Variants in ATRN observed in about 807,000 individuals in gnomAD.
The protein encoded by ATRN is attractin-2.
A neutral mutation model predicts 178.7 loss-of-function variants in ATRN; 54 were observed. That is an observed-to-expected ratio of 0.30 (90% CI 0.24 to 0.38). ATRN has a LOEUF of 0.38. ATRN is among the 10% of genes least tolerant of loss of function. ATRN has a pLI of 1.00. For missense variants in ATRN, 1,443 were observed against 1,815.1 expected (o/e 0.79, Z 3.73); for synonymous variants, 636 against 663.0 (o/e 0.96, Z 0.63).
chr20:3,504,923 GTA>G (rs1200104354), intron 1 of ATRN, among the ~76,000 whole-genome samples: 1 of 151,950 alleles, frequency 6.6e-6, no homozygotes, highest in Non-Finnish European at 1.5e-5. Context: ...ATTATAAGCC[GTA>G]TGTTTATATT....
At chr20:3,563,470 T>C (rs2085982861) in intron 10 of ATRN, 107 bp downstream of exon 10, 1 of 1,141,872 alleles carries the variant, frequency 8.8e-7, no homozygotes. Context: ...ATCAGGCCAT[T>C]TGAAAGAGGT....
chr20:3,471,461 C>T lies in ATRN; in HGVS notation c.354C>T (p.Cys118=), dbSNP rs2084421456. The stretch of plus-strand genomic sequence containing the variant: ...GCTGCAACCCTGGCACCGGCCAGTG[C>T]GTCTGCCCCGCCGGCTGGGTGGGCG... The part of the protein sequence containing the change: ...GGRCNPGTGQ[C]VCPAGWVGEQ... Residue 118 remains cysteine, a synonymous_variant, in exon 1 of 29, where the codon TGC becomes TGT. Transcript: ENST00000262919. 7.0e-7 allele frequency: 1 copy of T among 1,419,724 alleles called. No individual in the cohort carries two copies. The highest frequency in any genetic ancestry group is 9.1e-7 in the Non-Finnish European group (1 of 1,095,336). The allele number at this position is 1,419,724 out of a possible 1,614,324, so 87.9% of individuals were successfully genotyped here. A position where few individuals can be genotyped will look rare whatever the true frequency, so the allele number is the denominator to read the frequency against.
chr20:3,508,002 G>A (rs1189333164), intron 1 of ATRN, among the ~76,000 whole-genome samples: 1 of 151,884 alleles, frequency 6.6e-6, no homozygotes, highest in Non-Finnish European at 1.5e-5. Context: ...CGCGCCTGGT[G>A]AAAGTTAAAA....
intron 27 of ATRN, among the ~76,000 whole-genome samples, chr20:3,643,336 G>T (rs907139991): frequency 3.9e-5 from 6 of 152,156 alleles, no homozygotes; most frequent in Non-Finnish European, 8.8e-5. Flanking sequence ...TAATAAGTGG[G>T]TGTTGTTTTA....
intron 1 of ATRN, among the ~76,000 whole-genome samples, chr20:3,491,914 G>A (rs570005062): frequency 9.2e-5 from 14 of 152,234 alleles, no homozygotes; most frequent in Admixed American, 6.5e-4. Flanking sequence ...GGTATCAGAT[G>A]GCTAAGAGGA....
chr20:3,471,492 T>C lies in ATRN; in HGVS notation c.385T>C (p.Cys129Arg). The stretch of plus-strand genomic sequence containing the variant: ...CCCCGCCGGCTGGGTGGGCGAGCAA[T>C]GCCAGCACTGCGGGGGCCGCTTCAG... ...VCPAGWVGEQ[C>R]QHCGGRFRLT... Residue 129 changes from cysteine (C) to arginine (R), a missense_variant, in exon 1 of 29, where the codon TGC (cysteine) becomes CGC (arginine). Transcript: ENST00000262919. 1 of 1,406,506 alleles carries C rather than the reference T, an allele frequency of 7.1e-7. No homozygotes were observed. The highest frequency in any genetic ancestry group is 2.9e-5 in the East Asian group (1 of 34,326). 87.1% of individuals were successfully genotyped at this position (1,406,506 alleles called of 1,614,324 possible). A position where few individuals can be genotyped will look rare whatever the true frequency, so the allele number is the denominator to read the frequency against.
chr20:3,619,479 G>C (rs2086880027), intron 24 of ATRN, among the ~76,000 whole-genome samples: 1 of 152,174 alleles, frequency 6.6e-6, no homozygotes, highest in Non-Finnish European at 1.5e-5. Flanking sequence ...CAAATCTGCT[G>C]TATTAAACAG....
chr20:3,650,055 G>A lies in ATRN; in HGVS notation c.*3208G>A, dbSNP rs890832068. 1 of 152,210 alleles carries A rather than the reference G, an allele frequency of 6.6e-6. No homozygotes were observed. The highest frequency in any genetic ancestry group is 6.5e-5 in the Admixed American group (1 of 15,280). 9.4% of individuals were successfully genotyped at this position (152,210 alleles called of 1,614,324 possible). A position where few individuals can be genotyped will look rare whatever the true frequency, so the allele number is the denominator to read the frequency against. On this transcript the variant is annotated 3_prime_UTR_variant, in exon 29 of 29. Coordinates refer to ENST00000262919, the MANE Select transcript of ATRN (RefSeq NM_139321.3). The stretch of plus-strand genomic sequence containing the variant: ...GCTAACCCGGAGGAAAGGCAGTCCT[G>A]GACAGAAGACTGTCAGCAGAAGGAA...
intron 1 of ATRN, among the ~76,000 whole-genome samples, chr20:3,514,987 TAA>T (rs2085187523): frequency 6.6e-6 from 1 of 152,034 alleles, no homozygotes; most frequent in African/African-American, 2.4e-5. Flanking sequence ...GATACTTCCT[TAA>T]TATATTAGGA....
rs1165067691 is a variant in ATRN at position 3,615,745 on chromosome 20, A to G, written c.3802-8766A>G. 3.2e-4 allele frequency: 144 copies of G among 453,524 alleles called. 1 individual carries two copies. Among genetic ancestry groups the G allele is most frequent in the Middle Eastern group, 6.7e-4 (2 of 3,006 alleles). 28.1% of individuals were successfully genotyped at this position (453,524 alleles called of 1,614,324 possible). ...TAATTTTTTGTATTTTAGTAGAGACAGGGTTTTACCATGTTGCCCCCATCA... is the reference window on the plus strand; with the variant it reads ...TAATTTTTTGTATTTTAGTAGAGACGGGGTTTTACCATGTTGCCCCCATCA... On this transcript the variant is annotated intron_variant, in intron 24 of 28. Transcript: ENST00000262919.
chr20:3,602,497 A>G (rs763079561), intron 23 of ATRN, among the ~76,000 whole-genome samples: 5 of 152,208 alleles, frequency 3.3e-5, no homozygotes, highest in Admixed American at 6.5e-5. Flanking sequence ...ACACAAAGCA[A>G]TGAGATTGAT....
intron 25 of ATRN, among the ~76,000 whole-genome samples, chr20:3,630,501 C>T (rs1018781069): frequency 1.2e-4 from 19 of 152,134 alleles, no homozygotes; most frequent in Non-Finnish European, 2.5e-4. Flanking sequence ...CAATGGCTTG[C>T]TTTTAAGGGA....
intron 3 of ATRN, among the ~76,000 whole-genome samples, chr20:3,541,076 A>ATTTTTTTTTTTTT (rs1331876349): frequency 8.4e-5 from 10 of 119,040 alleles, no homozygotes; most frequent in Non-Finnish European, 1.6e-4. Context: ...ATGATAGAGG[A>ATTTTTTTTTTTTT]TTTTTTTTTT....
chr20:3,599,489 C>G (rs235515), intron 22 of ATRN, among the ~76,000 whole-genome samples: 130,907 of 152,248 alleles, frequency 0.86, 56,679 homozygotes, highest in East Asian at 1. Flanking sequence ...CTCTATAAAA[C>G]CACAAGCATT....
intron 25 of ATRN, among the ~76,000 whole-genome samples, chr20:3,630,666 G>A (rs567231900): frequency 1.3e-4 from 20 of 152,262 alleles, no homozygotes; most frequent in African/African-American, 4.6e-4. Flanking sequence ...GACACTATCA[G>A]AATAAGTCGA....
chr20:3,479,664 A>G (rs1010715734), intron 1 of ATRN, among the ~76,000 whole-genome samples: 20 of 152,350 alleles, frequency 1.3e-4, no homozygotes, highest in Middle Eastern at 3.4e-3. Flanking sequence ...TTATTCTTTC[A>G]TAGTTCTGGG....
At position 3,489,470 on chromosome 20, in the gene ATRN, A is replaced by C. The variant is rs1196314617; in HGVS notation, c.410+17953A>C. On this transcript the variant is annotated intron_variant, in intron 1 of 28. Coordinates refer to ENST00000262919, the MANE Select transcript of ATRN (RefSeq NM_139321.3). The stretch of plus-strand genomic sequence containing the variant: ...AAGAGAATTTGGTTGGGAGAAATAG[A>C]AAAAACAGATCTCAGGGAAGCCTGG... 9 of 969,508 alleles carry C rather than the reference A, an allele frequency of 9.3e-6. No homozygotes were observed. In the East Asian group the frequency reaches 2.2e-4, roughly 23 times the overall value. The allele number at this position is 969,508 out of a possible 1,614,324, so 60.1% of individuals were successfully genotyped here. A position where few individuals can be genotyped will look rare whatever the true frequency, so the allele number is the denominator to read the frequency against.
At chr20:3,639,436 G>A (rs2853200) in intron 27 of ATRN, among the ~76,000 whole-genome samples, 60,401 of 151,584 alleles carry the variant, frequency 0.4, 13,161 homozygotes, top group South Asian at 0.61. Flanking sequence ...TATTTTTAGT[G>A]GAGATGGGGT....
At chr20:3,603,715 C>T (rs976092525) in intron 23 of ATRN, among the ~76,000 whole-genome samples, 10 of 151,960 alleles carry the variant, frequency 6.6e-5, no homozygotes, top group African/African-American at 2.4e-4. Flanking sequence ...TCTCAAACTC[C>T]GACCTCAGGT....
Sources: gnomAD v4.1 joint callset for allele counts (sites outside exome capture counted in the v4.1 genomes callset) on GRCh38, gnomAD v4.1.1 for gene constraint, MANE v1.5 for transcripts, NCBI Gene and HGNC (gene_info 2026-07-23, HGNC 2026-07-21) for gene names.